Variants in TMEM232 observed in about 807,000 individuals in gnomAD.
TMEM232 encodes the protein transmembrane protein 232.
Under a neutral mutation model 78.8 loss-of-function variants are expected in TMEM232, and 80 were observed. The ratio of observed to expected loss-of-function variants is 1.01; its 90% CI spans 0.85 to 1.22. TMEM232 has a LOEUF of 1.22. Among genes scored for constraint, TMEM232 ranks in the 50% most tolerant of loss-of-function variants. The pLI, the probability that TMEM232 is intolerant of heterozygous loss-of-function variation, is 0.00. For missense variants in TMEM232, 881 were observed against 742.2 expected (o/e 1.19, Z -2.17); for synonymous variants, 297 against 254.3 (o/e 1.17, Z -1.60).
intron 2 of TMEM232, among the ~76,000 whole-genome samples, chr5:110,645,555 A>G (rs1171484900): frequency 6.6e-6 from 1 of 151,538 alleles, no homozygotes; most frequent in Non-Finnish European, 1.5e-5. Context: ...GTGTAAAAAG[A>G]ATTTACGTCA....
chr5:110,545,306 G>C (rs1453062153), intron 11 of TMEM232, among the ~76,000 whole-genome samples: 1 of 152,026 alleles, frequency 6.6e-6, no homozygotes. Context: ...GGTGGTAGGA[G>C]AGCTGTGGGG....
intron 12 of TMEM232, among the ~76,000 whole-genome samples, chr5:110,491,400 A>C (rs980763828): frequency 2.0e-5 from 3 of 152,052 alleles, no homozygotes; most frequent in African/African-American, 7.2e-5. Flanking sequence ...GTTTGAGAAA[A>C]TTTAACAGTT....
chr5:110,726,108 T>TCTCACA, intron 1 of TMEM232, among the ~76,000 whole-genome samples: 1 of 144,640 alleles, frequency 6.9e-6, no homozygotes, highest in African/African-American at 2.6e-5. Flanking sequence ...CCTCTCTCTT[T>TCTCACA]CACACACACA....
At chr5:110,517,093 A>T (rs965595187) in intron 12 of TMEM232, among the ~76,000 whole-genome samples, 1 of 152,162 alleles carries the variant, frequency 6.6e-6, no homozygotes, top group Non-Finnish European at 1.5e-5. Flanking sequence ...AAAACACAAA[A>T]TGGAGATATA....
rs145494967 is a variant in TMEM232, at chr5:110,593,982, T to G, written c.1276+11127A>C. On this transcript the variant is annotated intron_variant, in intron 10 of 13. Coordinates refer to ENST00000455884, the MANE Select transcript of TMEM232 (RefSeq NM_001039763.4). ...ACTCAAAAGTTGACATTTTAAAATT[T>G]TTTAAAAATCACACTGTTGTGGGGA... 1.4e-3 allele frequency among the ~76,000 whole-genome samples: 212 copies of G among 151,586 alleles called. 3 individuals are homozygous for G. Among genetic ancestry groups the G allele is most frequent in the African/African-American group, 4.7e-3 (192 of 41,194 alleles).
chr5:110,702,937 G>T (rs1431741398), intron 1 of TMEM232, among the ~76,000 whole-genome samples: 1 of 152,026 alleles, frequency 6.6e-6, no homozygotes, highest in Non-Finnish European at 1.5e-5. Flanking sequence ...AAAGCAAAAA[G>T]AACATTTAAA....
intron 12 of TMEM232, among the ~76,000 whole-genome samples, chr5:110,449,686 T>C (rs369422990): frequency 1.0e-3 from 158 of 152,292 alleles, no homozygotes; most frequent in African/African-American, 3.7e-3. Flanking sequence ...TTTGGTTTCA[T>C]TAGTCATTAA....
chr5:110,461,868 T>G (rs746332670), intron 12 of TMEM232, among the ~76,000 whole-genome samples: 1 of 152,176 alleles, frequency 6.6e-6, no homozygotes, highest in Non-Finnish European at 1.5e-5. Flanking sequence ...TTTAAGCATA[T>G]TTTAGGAACT....
intron 10 of TMEM232, among the ~76,000 whole-genome samples, chr5:110,602,090 C>A (rs544501686): frequency 1.3e-5 from 2 of 152,052 alleles, no homozygotes; most frequent in Non-Finnish European, 2.9e-5. Flanking sequence ...ACTGGCTAGC[C>A]GTATGCAGAA....
intron 7 of TMEM232, among the ~76,000 whole-genome samples, chr5:110,619,788 T>A (rs1406363681): frequency 6.6e-6 from 1 of 152,142 alleles, no homozygotes; most frequent in African/African-American, 2.4e-5. Flanking sequence ...ATTGCAAACT[T>A]ATTTTGAATA....
intron 1 of TMEM232, among the ~76,000 whole-genome samples, chr5:110,699,449 G>T (rs1038293846): frequency 3.9e-5 from 6 of 152,032 alleles, no homozygotes; most frequent in African/African-American, 1.2e-4. Flanking sequence ...CATTAAAAAT[G>T]AAATTAGTTT....
chr5:110,446,376 T>A (rs1419256197), intron 12 of TMEM232, among the ~76,000 whole-genome samples: 1 of 152,146 alleles, frequency 6.6e-6, no homozygotes, highest in Non-Finnish European at 1.5e-5. Context: ...GCTGTGCAGA[T>A]TAAACAAGAA....
intron 12 of TMEM232, among the ~76,000 whole-genome samples, chr5:110,510,049 A>T (rs1400782159): frequency 3.3e-5 from 5 of 151,924 alleles, no homozygotes; most frequent in Non-Finnish European, 5.9e-5. Flanking sequence ...CCATATATTG[A>T]ATGGTGACAT....
At chr5:110,421,460 A>G (rs1051183427) in intron 13 of TMEM232, among the ~76,000 whole-genome samples, 11 of 151,784 alleles carry the variant, frequency 7.2e-5, no homozygotes, top group Non-Finnish European at 7.4e-5. Flanking sequence ...TTTCTCTTCT[A>G]ATACATTTGA....
chr5:110,393,958 C>CAA (rs201803686), intron 3 of TMEM232, among the ~76,000 whole-genome samples: 4,565 of 60,634 alleles, frequency 0.075, 214 homozygotes, highest in East Asian at 0.32. Flanking sequence ...AACTTCATCT[C>CAA]AAAAAAAAAA....
At chr5:110,472,337 A>C (rs1762777797) in intron 12 of TMEM232, among the ~76,000 whole-genome samples, 1 of 152,064 alleles carries the variant, frequency 6.6e-6, no homozygotes, top group Admixed American at 6.5e-5. Flanking sequence ...AATTTAACTA[A>C]GGAGGTAAAA....
At chr5:110,410,085 C>T (rs1755935530) in intron 2 of TMEM232, among the ~76,000 whole-genome samples, 2 of 152,284 alleles carry the variant, frequency 1.3e-5, no homozygotes, top group African/African-American at 2.4e-5. Context: ...TTGCGCATTA[C>T]ACCTCATGAA....
intron 11 of TMEM232, among the ~76,000 whole-genome samples, chr5:110,535,422 CTT>C (rs1772203187): frequency 6.6e-6 from 1 of 152,134 alleles, no homozygotes; most frequent in Non-Finnish European, 1.5e-5. Flanking sequence ...TTCGCTGACT[CTT>C]TAGACTCAGC....
chr5:110,507,457 A>C (rs944726286), intron 12 of TMEM232, among the ~76,000 whole-genome samples: 4 of 152,186 alleles, frequency 2.6e-5, no homozygotes, highest in Non-Finnish European at 1.5e-5. Flanking sequence ...GCTGATAATA[A>C]ATCTGGAAAG....
Sources: allele counts gnomAD v4.1 joint callset (sites outside exome capture counted in the v4.1 genomes callset), GRCh38; gene constraint gnomAD v4.1.1; transcripts MANE v1.5; gene names NCBI Gene and HGNC (gene_info 2026-07-23, HGNC 2026-07-21).